KIAA2012: variants seen among roughly 807,000 people sequenced by gnomAD.
The protein encoded by KIAA2012 is uncharacterized protein KIAA2012.
KIAA2012 carries 125 observed loss-of-function variants against 150.6 expected under a neutral mutation model. The ratio of observed to expected loss-of-function variants is 0.83; its 90% CI spans 0.72 to 0.96. KIAA2012 has a LOEUF of 0.96. KIAA2012 is among the 40% of genes least tolerant of loss of function. KIAA2012 has a pLI of 0.00. For synonymous variants in KIAA2012, 462 were observed against 504.7 expected, an observed-to-expected ratio of 0.92 and a Z score of 1.13; for missense variants, 1,219 against 1,354.9, an observed-to-expected ratio of 0.90 and a Z score of 1.57.
chr2:202,133,595 G>T (rs1418523518), intron 12 of KIAA2012, among the ~76,000 whole-genome samples: 1 of 152,104 alleles, frequency 6.6e-6, no homozygotes, highest in Non-Finnish European at 1.5e-5. Flanking sequence ...ATATTTTCTA[G>T]ATCTGTCTAC....
In KIAA2012 at chr2:202,073,573, T is replaced by G. The variant is rs1217626561; in HGVS notation, c.-55T>G. 10 of 1,492,538 alleles carry G rather than the reference T, an allele frequency of 6.7e-6. No homozygotes were observed. The highest frequency in any genetic ancestry group is 3.7e-5 in the South Asian group (3 of 81,986). 92.5% of individuals were successfully genotyped at this position (1,492,538 alleles called of 1,614,324 possible). A position where few individuals can be genotyped will look rare whatever the true frequency, so the allele number is the denominator to read the frequency against. On this transcript the variant is annotated 5_prime_UTR_variant, in exon 1 of 24. Transcript: ENST00000498697. ...GGAAATCTTGAGGTGTGACCAGATT[T>G]CAGCCTTCAAAACCAAGATGGACTG...
chr2:202,193,163 A>G, intron 19 of KIAA2012, 138 bp from the exon 20 acceptor site: 3 of 792,656 alleles, frequency 3.8e-6, no homozygotes, highest in Non-Finnish European at 4.1e-6. Flanking sequence ...GGCTGAGTCT[A>G]TGCAGCTGTG....
At chr2:202,125,836 G>A (rs1690769990) in intron 12 of KIAA2012, 1 of 451,846 alleles carries the variant, frequency 2.2e-6, no homozygotes, top group African/African-American at 2.0e-5. Flanking sequence ...AGACATGGCT[G>A]CTGCTGCTTC....
chr2:202,129,130 TA>T (rs930380162), intron 12 of KIAA2012, among the ~76,000 whole-genome samples: 1 of 150,540 alleles, frequency 6.6e-6, no homozygotes, highest in Non-Finnish European at 1.5e-5. Context: ...AATAAATAAA[TA>T]AAAAAATAAA....
chr2:202,161,006 G>C (rs564044079), intron 14 of KIAA2012, among the ~76,000 whole-genome samples: 4 of 152,158 alleles, frequency 2.6e-5, no homozygotes, highest in African/African-American at 4.8e-5. Flanking sequence ...ATGCCCAGCA[G>C]GGGGGCTGTG....
At chr2:202,165,883 A>G (rs895214007) in intron 15 of KIAA2012, among the ~76,000 whole-genome samples, 7 of 152,220 alleles carry the variant, frequency 4.6e-5, no homozygotes, top group African/African-American at 1.7e-4. Context: ...GGGATACCAG[A>G]CAACAATATA....
intron 15 of KIAA2012, among the ~76,000 whole-genome samples, chr2:202,173,575 A>C (rs924388498): frequency 6.6e-6 from 1 of 152,190 alleles, no homozygotes; most frequent in African/African-American, 2.4e-5. Context: ...ATCTCAAAAA[A>C]TAAAATAAAA....
chr2:202,193,682 T>G (rs1692360097), intron 20 of KIAA2012, among the ~76,000 whole-genome samples, 179 bp downstream of exon 20: 1 of 152,224 alleles, frequency 6.6e-6, no homozygotes, highest in Admixed American at 6.5e-5. Flanking sequence ...AGAGATAAAC[T>G]GTAGCGTCTC....
rs1487659177 is a variant in KIAA2012, at chr2:202,184,209, C to G, written c.2120-544C>G. 2.0e-5 allele frequency among the ~76,000 whole-genome samples: 3 copies of G among 151,976 alleles called. No individual in the cohort carries two copies. In the East Asian group the frequency reaches 5.8e-4, roughly 29 times the overall value. ...GACCAGCCTGGCCAATATGGTGAAA[C>G]CCCATCTCTACTAAAAATACAAAAA... On this transcript the variant is annotated intron_variant, in intron 15 of 23. Coordinates refer to ENST00000498697, the MANE Select transcript of KIAA2012 (RefSeq NM_001277372.4).
intron 18 of KIAA2012, among the ~76,000 whole-genome samples, chr2:202,188,979 G>T (rs1197578262): frequency 1.3e-5 from 2 of 152,182 alleles, no homozygotes; most frequent in Non-Finnish European, 2.9e-5. Context: ...ATCCAGTGCT[G>T]CTAGAAAGGA....
intron 15 of KIAA2012, among the ~76,000 whole-genome samples, chr2:202,182,314 T>G (rs569431237): frequency 6.6e-6 from 1 of 152,020 alleles, no homozygotes; most frequent in Non-Finnish European, 1.5e-5. Context: ...TTTCTCCGTG[T>G]TGGTCAGGCT....
chr2:202,185,043 T>G (rs545283636), intron 16 of KIAA2012, among the ~76,000 whole-genome samples, 200 bp downstream of exon 16: 18 of 152,238 alleles, frequency 1.2e-4, no homozygotes, highest in Non-Finnish European at 2.4e-4. Context: ...CCTACCTAAA[T>G]CATATTTATT....
chr2:202,125,239 C>A lies in KIAA2012; in HGVS notation c.1788C>A (p.Ile596=), dbSNP rs1368165559. ...CCTATGAATCTGTCAATTCAAATAT[C>A]AGCCATGAAGAGGAAGGGCCTAGTA... ...GKAYESVNSN[I]SHEEEGPSSQ... Residue 596 remains isoleucine, a synonymous_variant, in exon 12 of 24, where the codon ATC becomes ATA. Transcript: ENST00000498697. 1.3e-6 allele frequency: 2 copies of A among 1,550,258 alleles called. No individual in the cohort carries two copies. The highest frequency in any genetic ancestry group is 2.7e-5 in the African/African-American group (2 of 73,030).
chr2:202,159,469 C>T (rs2105716440), intron 14 of KIAA2012, among the ~76,000 whole-genome samples: 1 of 151,972 alleles, frequency 6.6e-6, no homozygotes, highest in South Asian at 2.1e-4. Context: ...GCAAGGGGTA[C>T]TTCTCTGACA....
At position 202,085,908 on chromosome 2, in the gene KIAA2012, G is replaced by A. The variant is rs567464304; in HGVS notation, c.370-4862G>A. 1.4e-4 allele frequency among the ~76,000 whole-genome samples: 22 copies of A among 152,192 alleles called. No homozygotes were observed. The South Asian group carries it at 3.3e-3, about 23-fold the overall frequency. ...CTAATGGCCAGGCGCAGTGGCTCAC[G>A]CCTGTAATCCCAGCACTTTGGGAGG... On this transcript the variant is annotated intron_variant, in intron 2 of 23. Coordinates refer to ENST00000498697, the MANE Select transcript of KIAA2012 (RefSeq NM_001277372.4).
At chr2:202,185,809 A>C (rs900125866) in intron 16 of KIAA2012, among the ~76,000 whole-genome samples, 2 of 152,138 alleles carry the variant, frequency 1.3e-5, no homozygotes, top group African/African-American at 2.4e-5. Context: ...AGGGAAATTA[A>C]AGGTTTTCCA....
chr2:202,158,780 G>GT (rs1481737669), intron 14 of KIAA2012, among the ~76,000 whole-genome samples: 1 of 152,168 alleles, frequency 6.6e-6, no homozygotes, highest in African/African-American at 2.4e-5. Flanking sequence ...TAAGGATAGA[G>GT]GTTTTTTTCA....
chr2:202,186,929 A>C lies in KIAA2012; in HGVS notation c.2211-4A>C. The C allele has an allele frequency of 6.5e-7, 1 of 1,549,482 alleles. No homozygotes were observed. The highest frequency in any genetic ancestry group is 8.7e-7 in the Non-Finnish European group (1 of 1,146,608). ...TTGGTCCTGTTGGTTTGCTCTTTTCAAAGGGGCAGAGATTATGATGTACAC... is the reference window on the plus strand; with the variant it reads ...TTGGTCCTGTTGGTTTGCTCTTTTCCAAGGGGCAGAGATTATGATGTACAC... On this transcript the variant is annotated splice_polypyrimidine_tract_variant and splice_region_variant and intron_variant, in intron 16 of 23. Coordinates refer to ENST00000498697, the MANE Select transcript of KIAA2012 (RefSeq NM_001277372.4).
In KIAA2012 at chr2:202,189,819, C is replaced by T. The variant is rs367552665; in HGVS notation, c.2492-355C>T. ...AAAGTTACTAAAAAGGGGCCAGGCA[C>T]GGTGGCGCACACCTGTAATCCCATC... On this transcript the variant is annotated intron_variant, in intron 18 of 23. Transcript: ENST00000498697. 8.5e-5 allele frequency among the ~76,000 whole-genome samples: 13 copies of T among 152,112 alleles called. No homozygotes were observed. The East Asian group carries it at 9.7e-4, about 11-fold the overall frequency.
Sources: gnomAD v4.1 joint callset for allele counts (sites outside exome capture counted in the v4.1 genomes callset) on GRCh38, gnomAD v4.1.1 for gene constraint, MANE v1.5 for transcripts, NCBI Gene and HGNC (gene_info 2026-07-23, HGNC 2026-07-21) for gene names.